Variants in GPR39 observed in about 807,000 individuals in gnomAD.
GPR39 encodes zinc sensing receptor.
Under a neutral mutation model 18.4 loss-of-function variants are expected in GPR39, and 23 were observed. The ratio of observed to expected loss-of-function variants is 1.25; its 90% CI spans 0.90 to 1.77. The LOEUF (loss-of-function observed/expected upper bound fraction) is 1.77. GPR39 is among the 40% of genes most tolerant of loss of function. The pLI is 0.00. For synonymous variants in GPR39, 280 were observed against 257.9 expected, an observed-to-expected ratio of 1.09 and a Z score of -0.82; for missense variants, 647 against 602.4, an observed-to-expected ratio of 1.07 and a Z score of -0.78.
At chr2:132,603,595 A>G (rs1681083518) in intron 1 of GPR39, among the ~76,000 whole-genome samples, 2 of 152,060 alleles carry the variant, frequency 1.3e-5, no homozygotes, top group Admixed American at 1.3e-4. Context: ...TTTGATCATT[A>G]CATACTATAT....
rs141213330 is a variant in GPR39, at chr2:132,635,369, G to A, written c.857-9732G>A. On this transcript the variant is annotated intron_variant, in intron 1 of 1. Coordinates refer to ENST00000329321, the MANE Select transcript of GPR39 (RefSeq NM_001508.3). ...TTTCTAGTCTAGTTTATACTGCAGTGTTATGATGATGTGAGTAGGAATGAA... is the reference window on the plus strand; with the variant it reads ...TTTCTAGTCTAGTTTATACTGCAGTATTATGATGATGTGAGTAGGAATGAA... 4.3e-3 allele frequency among the ~76,000 whole-genome samples: 649 copies of A among 152,326 alleles called. 5 individuals are homozygous for A. The highest frequency in any genetic ancestry group is 0.015 in the African/African-American group (617 of 41,564).
At chr2:132,420,916 G>A (rs924606811) in intron 1 of GPR39, among the ~76,000 whole-genome samples, 9 of 152,186 alleles carry the variant, frequency 5.9e-5, no homozygotes, top group Non-Finnish European at 1.3e-4. Flanking sequence ...ACACAATAGT[G>A]ATGCAAAAGT....
At chr2:132,432,352 A>T (rs1348896397) in intron 1 of GPR39, among the ~76,000 whole-genome samples, 5 of 152,180 alleles carry the variant, frequency 3.3e-5, no homozygotes, top group African/African-American at 1.2e-4. Flanking sequence ...GGGATGTACT[A>T]TCATGATGCA....
intron 1 of GPR39, among the ~76,000 whole-genome samples, chr2:132,589,208 C>A (rs76958858): frequency 0.18 from 27,666 of 151,990 alleles, 2,672 homozygotes; most frequent in African/African-American, 0.25. Flanking sequence ...CCTTTCTGGC[C>A]ATGTCCCCCC....
chr2:132,570,032 C>T (rs1680414859), intron 1 of GPR39, among the ~76,000 whole-genome samples: 1 of 152,132 alleles, frequency 6.6e-6, no homozygotes, highest in Non-Finnish European at 1.5e-5. Flanking sequence ...ACGAAACCGA[C>T]CTTGTGCCTG....
chr2:132,574,502 A>G (rs1321489163), intron 1 of GPR39, among the ~76,000 whole-genome samples: 1 of 152,164 alleles, frequency 6.6e-6, no homozygotes. Flanking sequence ...AGGCTGAGGC[A>G]GGCAGATCTC....
At chr2:132,484,004 A>C (rs1262828639) in intron 1 of GPR39, among the ~76,000 whole-genome samples, 1 of 152,112 alleles carries the variant, frequency 6.6e-6, no homozygotes, top group Non-Finnish European at 1.5e-5. Context: ...GAATGTCTCC[A>C]CTCCACCCAT....
At chr2:132,608,120 C>T (rs1353923013) in intron 1 of GPR39, among the ~76,000 whole-genome samples, 1 of 152,190 alleles carries the variant, frequency 6.6e-6, no homozygotes, top group Non-Finnish European at 1.5e-5. Flanking sequence ...AAATACCCAA[C>T]TCTTAAAAAG....
At chr2:132,612,832 G>C (rs534961300) in intron 1 of GPR39, among the ~76,000 whole-genome samples, 1 of 152,072 alleles carries the variant, frequency 6.6e-6, no homozygotes, top group East Asian at 1.9e-4. Flanking sequence ...TTTTAGAATC[G>C]GAGTGTAAAT....
chr2:132,622,425 T>C (rs995956660), intron 1 of GPR39, among the ~76,000 whole-genome samples: 3 of 152,026 alleles, frequency 2.0e-5, no homozygotes, highest in Non-Finnish European at 2.9e-5. Context: ...TCTACCAAAA[T>C]ATCTAAGGTT....
chr2:132,623,163 A>C (rs1681472320), intron 1 of GPR39, among the ~76,000 whole-genome samples: 1 of 151,578 alleles, frequency 6.6e-6, no homozygotes, highest in African/African-American at 2.4e-5. Flanking sequence ...GTAAGGCATG[A>C]CTCCCCAGGC....
At chr2:132,522,696 T>G (rs1679446851) in intron 1 of GPR39, among the ~76,000 whole-genome samples, 1 of 152,152 alleles carries the variant, frequency 6.6e-6, no homozygotes, top group African/African-American at 2.4e-5. Context: ...TGCTTAGCCC[T>G]TGCAGAGCAC....
intron 1 of GPR39, among the ~76,000 whole-genome samples, chr2:132,636,540 C>G (rs1263920511): frequency 6.6e-6 from 1 of 152,228 alleles, no homozygotes; most frequent in Non-Finnish European, 1.5e-5. Context: ...CATGATTTTA[C>G]CAGACTCTAA....
chr2:132,584,989 C>A (rs1573681865), intron 1 of GPR39, among the ~76,000 whole-genome samples: 1 of 152,312 alleles, frequency 6.6e-6, no homozygotes, highest in Non-Finnish European at 1.5e-5. Flanking sequence ...TCTCCTGCCC[C>A]CCACCATCAG....
At chr2:132,611,323 A>G (rs927879824) in intron 1 of GPR39, among the ~76,000 whole-genome samples, 7 of 152,132 alleles carry the variant, frequency 4.6e-5, no homozygotes, top group Non-Finnish European at 1.0e-4. Flanking sequence ...ATTCCTAACC[A>G]CGCCAGGTGG....
chr2:132,537,029 C>T (rs1379412481), intron 1 of GPR39, among the ~76,000 whole-genome samples: 1 of 152,172 alleles, frequency 6.6e-6, no homozygotes, highest in Admixed American at 6.5e-5. Context: ...TCCAATTTGG[C>T]AGTCCGTGTC....
rs1215566933 is a variant in GPR39 at position 132,417,387 on chromosome 2, C to T, written c.345C>T (p.Phe115=). The change falls in exon 1 of 2, where the codon TTC becomes TTT. Residue 115 remains phenylalanine (F), a synonymous_variant. Transcript: ENST00000329321. The part of the protein sequence containing the change: ...TLSCKLHTFL[F]EACSYATLLH... ...CCTGCAAGCTGCACACTTTCCTCTT[C>T]GAGGCCTGCAGCTACGCTACGCTGC... The T allele has an allele frequency of 3.1e-6, 5 of 1,614,190 alleles. No homozygotes were observed. The highest frequency in any genetic ancestry group is 1.1e-5 in the South Asian group (1 of 91,080).
intron 1 of GPR39, among the ~76,000 whole-genome samples, chr2:132,497,579 C>G (rs1440163900): frequency 6.6e-6 from 1 of 152,172 alleles, no homozygotes; most frequent in Non-Finnish European, 1.5e-5. Context: ...GAATGTTGGA[C>G]TCACATAGGA....
intron 1 of GPR39, among the ~76,000 whole-genome samples, chr2:132,514,118 A>G (rs1041073505): frequency 6.6e-6 from 1 of 152,082 alleles, no homozygotes; most frequent in Non-Finnish European, 1.5e-5. Flanking sequence ...CCACTTTTCC[A>G]GTAAAGAAAG....
Sources: gnomAD v4.1 joint callset for allele counts (sites outside exome capture counted in the v4.1 genomes callset) on GRCh38, gnomAD v4.1.1 for gene constraint, MANE v1.5 for transcripts, NCBI Gene and HGNC (gene_info 2026-07-23, HGNC 2026-07-21) for gene names.